The following MBNL1 variants were observed in gnomAD, a reference collection of about 807,000 sequenced individuals.
The protein encoded by MBNL1 is muscleblind-like protein 1.
Under a neutral mutation model 42.2 loss-of-function variants are expected in MBNL1, and 8 were observed. The observed-to-expected ratio is 0.19, with a 90% CI of 0.11 to 0.34. The LOEUF (loss-of-function observed/expected upper bound fraction) is 0.34, where lower values mean the gene tolerates loss of function less well. Ranked by LOEUF, MBNL1 falls within the 10% of genes least tolerant of loss-of-function variation. The probability of loss-of-function intolerance (pLI) is 1.00; values close to 1 mark genes in which losing one functional copy is unlikely to be tolerated. For missense variants in MBNL1, 309 were observed against 495.3 expected (o/e 0.62, Z 3.57); for synonymous variants, 169 against 173.9 (o/e 0.97, Z 0.22).
At chr3:152,427,480 C>A (rs2098947729) in intron 3 of MBNL1, among the ~76,000 whole-genome samples, 1 of 152,114 alleles carries the variant, frequency 6.6e-6, no homozygotes, top group South Asian at 2.1e-4. Flanking sequence ...GTTCACACTC[C>A]TGGGCTCAAG....
intron 2 of MBNL1, among the ~76,000 whole-genome samples, chr3:152,307,615 CA>C (rs1577513130): frequency 6.6e-6 from 1 of 152,074 alleles, no homozygotes; most frequent in East Asian, 1.9e-4. Context: ...CACTGAAATA[CA>C]GAGAAGTTAG....
intron 2 of MBNL1, among the ~76,000 whole-genome samples, chr3:152,245,371 G>T (rs62272723): frequency 0.023 from 3,488 of 152,202 alleles, 58 homozygotes; most frequent in Middle Eastern, 0.078. Flanking sequence ...GCTTTGAGAA[G>T]AAAAATCTGT....
intron 2 of MBNL1, among the ~76,000 whole-genome samples, chr3:152,359,025 A>G (rs1247640519): frequency 6.6e-6 from 1 of 152,228 alleles, no homozygotes; most frequent in Non-Finnish European, 1.5e-5. Flanking sequence ...TTCAAAAGCT[A>G]GATTTACTGC....
intron 6 of MBNL1, among the ~76,000 whole-genome samples, chr3:152,454,682 C>G (rs1730159553): frequency 6.6e-6 from 1 of 152,196 alleles, no homozygotes; most frequent in Admixed American, 6.5e-5. Flanking sequence ...TATTTTCACT[C>G]TCTCCCACTC....
intron 2 of MBNL1, among the ~76,000 whole-genome samples, chr3:152,363,521 A>G (rs2096143743): frequency 6.6e-6 from 1 of 152,222 alleles, no homozygotes; most frequent in Non-Finnish European, 1.5e-5. Context: ...ATAAATGAAT[A>G]TTCCAAAATG....
chr3:152,423,038 CG>C (rs1206568297), intron 3 of MBNL1, among the ~76,000 whole-genome samples: 1 of 152,102 alleles, frequency 6.6e-6, no homozygotes, highest in Non-Finnish European at 1.5e-5. Context: ...ATTAAAATAA[CG>C]AGAGAAGCAA....
At chr3:152,250,789 G>A (rs555750513) in intron 2 of MBNL1, among the ~76,000 whole-genome samples, 127 of 151,762 alleles carry the variant, frequency 8.4e-4, no homozygotes, top group African/African-American at 2.6e-3. Flanking sequence ...TTTGAGATAC[G>A]TCCCATCAAT....
intron 6 of MBNL1, among the ~76,000 whole-genome samples, chr3:152,450,696 GA>G (rs1398592489): frequency 6.6e-6 from 1 of 152,178 alleles, no homozygotes; most frequent in East Asian, 1.9e-4. Flanking sequence ...AACCACAATT[GA>G]TTGTGTATAT....
chr3:152,352,663 T>C (rs1260900146), intron 2 of MBNL1, among the ~76,000 whole-genome samples: 2 of 152,054 alleles, frequency 1.3e-5, no homozygotes, highest in African/African-American at 4.8e-5. Context: ...AGACAGCTCC[T>C]CTGGGGAGTC....
intron 2 of MBNL1, among the ~76,000 whole-genome samples, chr3:152,363,210 TA>T (rs146130953): frequency 0.01 from 1,567 of 152,310 alleles, 22 homozygotes; most frequent in African/African-American, 0.036. Flanking sequence ...GTTTAATATA[TA>T]TTTTTTTCAC....
intron 1 of MBNL1, among the ~76,000 whole-genome samples, chr3:152,270,636 A>T (rs1307933229): frequency 6.6e-6 from 1 of 152,234 alleles, no homozygotes; most frequent in Non-Finnish European, 1.5e-5. Context: ...AGATGTAGTT[A>T]TAGATAGAGG....
intron 5 of MBNL1, among the ~76,000 whole-genome samples, chr3:152,447,183 G>A (rs945753756): frequency 6.6e-6 from 1 of 150,824 alleles, no homozygotes; most frequent in African/African-American, 2.4e-5. Context: ...GTAGATCTGG[G>A]GGGAGGAGCA....
chr3:152,448,919 A>G (rs1299402402), intron 6 of MBNL1, among the ~76,000 whole-genome samples: 1 of 152,218 alleles, frequency 6.6e-6, no homozygotes, highest in African/African-American at 2.4e-5. Flanking sequence ...CGTGGATAAA[A>G]TGATATTTGT....
intron 1 of MBNL1, among the ~76,000 whole-genome samples, chr3:152,280,785 C>G (rs757492975): frequency 6.6e-6 from 1 of 152,234 alleles, no homozygotes; most frequent in East Asian, 1.9e-4. Context: ...GCATATTCTT[C>G]TATAAGACCC....
At chr3:152,285,937 T>C (rs2051433179) in intron 1 of MBNL1, among the ~76,000 whole-genome samples, 1 of 151,948 alleles carries the variant, frequency 6.6e-6, no homozygotes, top group African/African-American at 2.4e-5. Context: ...AACTTTTTTT[T>C]TTTTAATTAA....
intron 5 of MBNL1, 128 bp from the exon 6 acceptor site, chr3:152,447,492 C>A: frequency 4.6e-6 from 2 of 435,024 alleles, no homozygotes; most frequent in Non-Finnish European, 8.1e-6. Flanking sequence ...GATTTTTTCC[C>A]TCGGGTAGTT....
chr3:152,263,650 T>G (rs1277815970), upstream of MBNL1: 1 of 152,200 alleles, frequency 6.6e-6, no homozygotes, highest in Non-Finnish European at 1.5e-5. Context: ...TGCAGTCTCT[T>G]CTGAGATTAG....
intron 3 of MBNL1, among the ~76,000 whole-genome samples, chr3:152,425,539 C>T (rs113939117): frequency 1.0e-3 from 151 of 150,882 alleles, no homozygotes; most frequent in African/African-American, 3.4e-3. Context: ...ACCTGGGAGG[C>T]GGAGGTTGCA....
intron 2 of MBNL1, among the ~76,000 whole-genome samples, chr3:152,371,808 G>T (rs2096674241): frequency 6.6e-6 from 1 of 152,098 alleles, no homozygotes; most frequent in Admixed American, 6.5e-5. Context: ...AAGTATCTTT[G>T]TGGTGGTCTC....
Sources: allele counts gnomAD v4.1 joint callset (sites outside exome capture counted in the v4.1 genomes callset), GRCh38; gene constraint gnomAD v4.1.1; transcripts MANE v1.5; gene names NCBI Gene and HGNC (gene_info 2026-07-23, HGNC 2026-07-21).